WFDC8: variants seen among roughly 807,000 people sequenced by gnomAD.
WFDC8 encodes the protein WAP four-disulfide core domain 8.
WFDC8 carries 24 observed loss-of-function variants against 27.0 expected under a neutral mutation model. The observed-to-expected ratio is 0.89, with a 90% CI of 0.64 to 1.25. WFDC8 has a LOEUF of 1.25. WFDC8 is among the 50% of genes most tolerant of loss of function. The probability of loss-of-function intolerance (pLI) is 0.00; values close to 1 mark genes in which losing one functional copy is unlikely to be tolerated. For synonymous variants in WFDC8, 106 were observed against 99.7 expected (o/e 1.06, Z -0.38); for missense variants, 287 against 295.9 (o/e 0.97, Z 0.22).
chr20:45,564,238 A>G (rs1019331417), intron 1 of WFDC8, among the ~76,000 whole-genome samples: 1 of 146,708 alleles, frequency 6.8e-6, no homozygotes, highest in South Asian at 2.1e-4. Context: ...CTGGAATACT[A>G]GGACAGACCT....
chr20:45,562,259 C>G, intron 1 of WFDC8, 40 bp from the exon 2 acceptor site: 1 of 1,536,738 alleles, frequency 6.5e-7, no homozygotes, highest in Non-Finnish European at 9.0e-7. Flanking sequence ...AAGCACAATC[C>G]AGAGAGAGAC....
intron 2 of WFDC8, among the ~76,000 whole-genome samples, 177 bp downstream of exon 2, chr20:45,561,933 G>C (rs563478677): frequency 6.6e-6 from 1 of 152,198 alleles, no homozygotes; most frequent in Non-Finnish European, 1.5e-5. Flanking sequence ...AAATAATTTG[G>C]GGGGAGCAAG....
At chr20:45,556,808 T>C (rs940400963) in intron 3 of WFDC8, among the ~76,000 whole-genome samples, 2 of 152,194 alleles carry the variant, frequency 1.3e-5, no homozygotes, top group South Asian at 2.1e-4. Flanking sequence ...CTCAATCATA[T>C]TGTGACGTGC....
At chr20:45,567,860 C>CT (rs1980734019) in intron 1 of WFDC8, 1 of 159,176 alleles carries the variant, frequency 6.3e-6, no homozygotes, top group Non-Finnish European at 1.4e-5. Flanking sequence ...GAACCTCACT[C>CT]TGTCACTCAG....
intron 3 of WFDC8, among the ~76,000 whole-genome samples, chr20:45,557,241 A>G (rs1169590613): frequency 6.6e-6 from 1 of 152,178 alleles, no homozygotes; most frequent in African/African-American, 2.4e-5. Flanking sequence ...AAGCATCTAA[A>G]CAACTTTTTG....
In WFDC8 at chr20:45,555,736, T is replaced by C. The variant is rs2250860; in HGVS notation, c.410A>G (p.Asn137Ser). ...GCAGGCCGTTCTGCAGGCATCCTCATTTAAGAAGTTGTTGGCATTCCCTTC... is the reference window on the plus strand; with the variant it reads ...GCAGGCCGTTCTGCAGGCATCCTCACTTAAGAAGTTGTTGGCATTCCCTTC... ...GCEGNANNFL[N>S]EDACRTACML... The change falls in exon 4 of 6, where the codon AAT (asparagine) becomes AGT (serine). Residue 137 changes from asparagine to serine, a missense_variant. By Grantham distance (46) the Asn-to-Ser change is conservative. Coordinates refer to ENST00000289953, the MANE Select transcript of WFDC8 (RefSeq NM_130896.3). 642,752 of 1,612,324 alleles carry C rather than the reference T, an allele frequency of 0.4. 133,464 individuals are homozygous for C. The highest frequency in any genetic ancestry group is 0.43 in the Non-Finnish European group (509,054 of 1,179,704).
Position 45,555,705 on chromosome 20 carries a change from T to G in WFDC8, c.441A>C (p.Leu147Phe). The G allele has an allele frequency of 6.2e-7, 1 of 1,612,330 alleles. No homozygotes were observed. The highest frequency in any genetic ancestry group is 8.5e-7 in the Non-Finnish European group (1 of 1,179,974). The change falls in exon 4 of 6, where the codon TTA (leucine) becomes TTC (phenylalanine). Residue 147 changes from leucine to phenylalanine, a missense_variant. Physicochemically the swap from Leu to Phe is conservative, Grantham distance 22. Coordinates refer to ENST00000289953, the MANE Select transcript of WFDC8 (RefSeq NM_130896.3). ...NEDACRTACM[L>F]IVKDGQCPLF... The stretch of plus-strand genomic sequence containing the variant: ...TTTCCAGGATAGAGGTCTCACCAAT[T>G]AACATGCAGGCCGTTCTGCAGGCAT...
chr20:45,556,917 A>G (rs6017613), intron 3 of WFDC8, among the ~76,000 whole-genome samples: 58,212 of 151,976 alleles, frequency 0.38, 11,614 homozygotes, highest in Non-Finnish European at 0.43. Flanking sequence ...ACTTGCACCA[A>G]AAAAGGTCAT....
At chr20:45,564,547 G>A (rs918518936) in intron 1 of WFDC8, among the ~76,000 whole-genome samples, 11 of 152,006 alleles carry the variant, frequency 7.2e-5, no homozygotes, top group Non-Finnish European at 1.3e-4. Flanking sequence ...GGTGGCGGGT[G>A]CCTGTAGTCC....
intron 1 of WFDC8, chr20:45,568,065 A>G (rs1004905208): frequency 3.1e-6 from 1 of 321,540 alleles, no homozygotes; most frequent in Non-Finnish European, 6.3e-6. Context: ...AGGCAAAACT[A>G]AAAAAGCTGT....
At chr20:45,551,710 T>C (rs190828996), downstream of WFDC8, 24 of 193,224 alleles carry the variant, frequency 1.2e-4, no homozygotes, top group African/African-American at 5.6e-4. Flanking sequence ...ACAACAAATA[T>C]CTTTTTATAG....
intron 1 of WFDC8, among the ~76,000 whole-genome samples, chr20:45,574,130 T>G (rs1345171920): frequency 6.6e-6 from 1 of 152,186 alleles, no homozygotes; most frequent in Non-Finnish European, 1.5e-5. Flanking sequence ...GAGAAATTCC[T>G]AGAAGCATAT....
At chr20:45,570,644 C>A (rs1316057156) in intron 1 of WFDC8, among the ~76,000 whole-genome samples, 2 of 152,048 alleles carry the variant, frequency 1.3e-5, no homozygotes, top group Non-Finnish European at 2.9e-5. Flanking sequence ...TTTTTATGAA[C>A]CTAAGTATTC....
intron 5 of WFDC8, 117 bp downstream of exon 5, chr20:45,553,019 C>T (rs1024566218): frequency 3.9e-6 from 5 of 1,281,536 alleles, no homozygotes; most frequent in Non-Finnish European, 4.3e-6. Flanking sequence ...TCCCAAAGAT[C>T]CTCAAAGATG....
chr20:45,556,893 C>T (rs1980277186), intron 3 of WFDC8, among the ~76,000 whole-genome samples: 1 of 152,176 alleles, frequency 6.6e-6, no homozygotes, highest in African/African-American at 2.4e-5. Flanking sequence ...CTCAAAAACA[C>T]TTCCCAAAGC....
intron 3 of WFDC8, among the ~76,000 whole-genome samples, chr20:45,558,043 T>A (rs2145564859): frequency 6.6e-6 from 1 of 152,304 alleles, no homozygotes; most frequent in South Asian, 2.1e-4. Context: ...CGCCCCCCTC[T>A]AAGCTAACGT....
At chr20:45,570,438 AATTAAT>A (rs58337341) in intron 1 of WFDC8, among the ~76,000 whole-genome samples, 54,367 of 151,586 alleles carry the variant, frequency 0.36, 10,322 homozygotes, top group Non-Finnish European at 0.43. Context: ...CAGTTTAAAA[AATTAAT>A]ATTTACATGT....
At chr20:45,553,381 G>T in intron 4 of WFDC8, 105 bp from the exon 5 acceptor site, 2 of 1,402,802 alleles carry the variant, frequency 1.4e-6, no homozygotes, top group Non-Finnish European at 1.9e-6. Context: ...TCTGCAACTT[G>T]GTTCACCCTA....
chr20:45,561,314 C>T (rs1026580627), intron 2 of WFDC8, among the ~76,000 whole-genome samples: 2 of 152,196 alleles, frequency 1.3e-5, no homozygotes, highest in Admixed American at 6.5e-5. Flanking sequence ...GACTCATCCT[C>T]TATTCCAAAC....
Sources: allele counts gnomAD v4.1 joint callset (sites outside exome capture counted in the v4.1 genomes callset), GRCh38; gene constraint gnomAD v4.1.1; transcripts MANE v1.5; gene names NCBI Gene and HGNC (gene_info 2026-07-23, HGNC 2026-07-21).